The following HAPLN1 variants were observed in gnomAD, a reference collection of about 807,000 sequenced individuals.
HAPLN1 encodes Cartilage link protein.
In HAPLN1, 13 loss-of-function variants were observed where a neutral mutation model predicts 36.5. That is an observed-to-expected ratio of 0.36 (90% CI 0.23 to 0.57). HAPLN1 has a LOEUF of 0.57. HAPLN1 is among the 20% of genes least tolerant of loss of function. HAPLN1 has a pLI of 0.83. For missense variants in HAPLN1, 407 were observed against 439.7 expected (o/e 0.93, Z 0.66); for synonymous variants, 202 against 169.8 (o/e 1.19, Z -1.48).
intron 2 of HAPLN1, among the ~76,000 whole-genome samples, chr5:83,656,582 A>C (rs1750224209): frequency 6.6e-6 from 1 of 152,132 alleles, no homozygotes; most frequent in African/African-American, 2.4e-5. Context: ...ATGAGGCTGT[A>C]TGTTGAAATT....
At chr5:83,708,139 C>T (rs552565600) in intron 1 of HAPLN1, among the ~76,000 whole-genome samples, 1 of 152,290 alleles carries the variant, frequency 6.6e-6, no homozygotes, top group East Asian at 1.9e-4. Flanking sequence ...TCAAACATTG[C>T]GGAAAGCAGT....
At chr5:83,654,726 C>A (rs1416171566) in intron 2 of HAPLN1, among the ~76,000 whole-genome samples, 2 of 152,108 alleles carry the variant, frequency 1.3e-5, no homozygotes, top group African/African-American at 4.8e-5. Flanking sequence ...AGTTCAAAAT[C>A]AAAAATAATG....
At chr5:83,678,326 G>T (rs1026567401) in intron 1 of HAPLN1, among the ~76,000 whole-genome samples, 1 of 150,878 alleles carries the variant, frequency 6.6e-6, no homozygotes, top group Non-Finnish European at 1.5e-5. Flanking sequence ...AAAATAATAG[G>T]CAGATGGGTA....
intron 1 of HAPLN1, among the ~76,000 whole-genome samples, chr5:83,718,393 T>C (rs1261972566): frequency 6.6e-6 from 1 of 152,156 alleles, no homozygotes; most frequent in Non-Finnish European, 1.5e-5. Flanking sequence ...ACTTATCCAC[T>C]AGGTGGCACA....
At chr5:83,677,768 T>G (rs1266777236) in intron 1 of HAPLN1, among the ~76,000 whole-genome samples, 1 of 152,190 alleles carries the variant, frequency 6.6e-6, no homozygotes, top group Non-Finnish European at 1.5e-5. Context: ...CACTAAGGTA[T>G]TGTTATTAAA....
intron 4 of HAPLN1, among the ~76,000 whole-genome samples, chr5:83,642,518 A>C (rs1749730802): frequency 6.6e-6 from 1 of 152,210 alleles, no homozygotes; most frequent in Non-Finnish European, 1.5e-5. Flanking sequence ...TTAATTACTG[A>C]GATTCCTTCA....
In HAPLN1 at chr5:83,688,515, T is replaced by C. The variant is rs568164342; in HGVS notation, c.-26-14966A>G. Among the ~76,000 whole-genome samples, 16 of 152,310 alleles carry C rather than the reference T, an allele frequency of 1.1e-4. No homozygotes were observed. In the South Asian group the frequency reaches 3.3e-3, roughly 32 times the overall value. On this transcript the variant is annotated intron_variant, in intron 1 of 4. Coordinates refer to ENST00000274341, the MANE Select transcript of HAPLN1 (RefSeq NM_001884.4). Reference sequence around the variant, plus strand: ...AGTTGCTTCAAAACACTAGCGTAATTGCCAAATCAAATTCTTTCCAATAAT... The same window carrying C: ...AGTTGCTTCAAAACACTAGCGTAATCGCCAAATCAAATTCTTTCCAATAAT...
chr5:83,641,564 G>A lies in HAPLN1; in HGVS notation c.997C>T (p.Arg333Cys), dbSNP rs776770646. The A allele has an allele frequency of 6.2e-6, 10 of 1,614,000 alleles. No homozygotes were observed. Among genetic ancestry groups the A allele is most frequent in the African/African-American group, 5.3e-5 (4 of 74,922 alleles). Residue 333 changes from arginine to cysteine, a missense_variant, in exon 5 of 5, where the codon CGC becomes TGC. Physicochemically the swap from Arg to Cys is radical, Grantham distance 180. Transcript: ENST00000274341. Reference sequence around the variant, plus strand: ...TTTTTATCTGGGAAACCCACGAAGCGCACTGCAGCCTCAGTAGGACTGCAG... The same window carrying A: ...TTTTTATCTGGGAAACCCACGAAGCACACTGCAGCCTCAGTAGGACTGCAG... ...RRCSPTEAAV[R>C]FVGFPDKKHK...
chr5:83,688,642 CTTTTTTTTTTTTTT>C lies in HAPLN1; in HGVS notation c.-26-15107_-26-15094del, dbSNP rs539790396. Among the ~76,000 whole-genome samples, 500 of 80,596 alleles carry C rather than the reference CTTTTTTTTTTTTTT, an allele frequency of 6.2e-3. 3 individuals are homozygous for C. Among genetic ancestry groups the C allele is most frequent in the Admixed American group, 8.4e-3 (55 of 6,584 alleles). The allele number at this position is 80,596 out of a possible 152,430, so 52.9% of individuals were successfully genotyped here. ...TATTTGCCAAATGCAGCTTTTGATT[CTTTTTTTTTTTTTT>C]TTTTTTTTTTTTTTTCACTTTGGAG... On this transcript the variant is annotated intron_variant, in intron 1 of 4. Coordinates refer to ENST00000274341, the MANE Select transcript of HAPLN1 (RefSeq NM_001884.4).
chr5:83,700,203 A>G (rs965426473), intron 1 of HAPLN1, among the ~76,000 whole-genome samples: 7 of 150,540 alleles, frequency 4.6e-5, no homozygotes, highest in African/African-American at 1.7e-4. Flanking sequence ...CAAAAAAAAA[A>G]AAAAAAAAAA....
At chr5:83,684,964 A>C (rs1751086818) in intron 1 of HAPLN1, among the ~76,000 whole-genome samples, 1 of 152,176 alleles carries the variant, frequency 6.6e-6, no homozygotes, top group African/African-American at 2.4e-5. Context: ...TTTTTTATAG[A>C]GATAAAATAT....
intron 3 of HAPLN1, among the ~76,000 whole-genome samples, chr5:83,650,720 T>C (rs1414079374): frequency 6.7e-6 from 1 of 149,490 alleles, no homozygotes; most frequent in African/African-American, 2.5e-5. Context: ...CTGCAAGCTC[T>C]GCCTCCTGGG....
At chr5:83,652,284 G>C in intron 3 of HAPLN1, 169 bp downstream of exon 3, 1 of 624,314 alleles carries the variant, frequency 1.6e-6, no homozygotes, top group Non-Finnish European at 2.7e-6. Flanking sequence ...TTTCAAACAT[G>C]AAAGCTGGAA....
chr5:83,702,731 T>G (rs1028327833), intron 1 of HAPLN1, among the ~76,000 whole-genome samples: 1 of 122,938 alleles, frequency 8.1e-6, no homozygotes, highest in Non-Finnish European at 1.7e-5. Context: ...TCTTTTTTTT[T>G]CCCCCAACAG....
intron 2 of HAPLN1, among the ~76,000 whole-genome samples, chr5:83,658,229 G>A (rs1036435755): frequency 2.0e-5 from 3 of 152,146 alleles, no homozygotes; most frequent in Admixed American, 2.0e-4. Flanking sequence ...ATTTTCCTTA[G>A]GGTAGCCAAA....
chr5:83,700,160 C>T lies in HAPLN1; in HGVS notation c.-27+20629G>A, dbSNP rs1405768865. On this transcript the variant is annotated intron_variant, in intron 1 of 4. Transcript: ENST00000274341. ...AGTGAGCTGAGATTGCGCCACTGCA[C>T]TGTAGCCTGGGTGACAGAGTGAGAC... Among the ~76,000 whole-genome samples, 3 of 144,058 alleles carry T rather than the reference C, an allele frequency of 2.1e-5. No homozygotes were observed. The East Asian group carries it at 6.2e-4, about 30-fold the overall frequency. 94.5% of individuals were successfully genotyped at this position (144,058 alleles called of 152,430 possible). A position where few individuals can be genotyped will look rare whatever the true frequency, so the allele number is the denominator to read the frequency against.
chr5:83,652,418 C>A, intron 3 of HAPLN1, 35 bp downstream of exon 3: 1 of 1,572,296 alleles, frequency 6.4e-7, no homozygotes, highest in South Asian at 1.2e-5. Flanking sequence ...TATTAATGAC[C>A]ATTTATACGT....
At position 83,639,251 on chromosome 5, in the gene HAPLN1, C is replaced by T. The variant is rs1749609577; in HGVS notation, c.*2245G>A. The T allele has an allele frequency of 6.6e-6, 1 of 152,000 alleles. No individual in the cohort carries two copies. The highest frequency in any genetic ancestry group is 2.1e-4 in the South Asian group (1 of 4,824). The allele number at this position is 152,000 out of a possible 1,614,324, so 9.4% of individuals were successfully genotyped here. ...AGCAAAATGAGAAGAAAAAATTCTGCTCAGCAGTATTCACTGTGTTAAGAT... is the reference window on the plus strand; with the variant it reads ...AGCAAAATGAGAAGAAAAAATTCTGTTCAGCAGTATTCACTGTGTTAAGAT... On this transcript the variant is annotated 3_prime_UTR_variant, in exon 5 of 5. Coordinates refer to ENST00000274341, the MANE Select transcript of HAPLN1 (RefSeq NM_001884.4).
rs531437483 is a variant in HAPLN1, at chr5:83,706,127, C to T, written c.-27+14662G>A. Among the ~76,000 whole-genome samples the T allele has an allele frequency of 6.3e-4, 95 of 150,242 alleles. 4 individuals are homozygous for T. The highest frequency in any genetic ancestry group is 2.1e-3 in the African/African-American group (87 of 40,950). On this transcript the variant is annotated intron_variant, in intron 1 of 4. Coordinates refer to ENST00000274341, the MANE Select transcript of HAPLN1 (RefSeq NM_001884.4). ...TCGAAAAAAAAAAAAAACAAAAGCC[C>T]AGGGCCAAATGAATTCACAGTGAAA...
Sources: gnomAD v4.1 joint callset for allele counts (sites outside exome capture counted in the v4.1 genomes callset) on GRCh38, gnomAD v4.1.1 for gene constraint, MANE v1.5 for transcripts, NCBI Gene and HGNC (gene_info 2026-07-23, HGNC 2026-07-21) for gene names.